Variants in PRICKLE2 observed in about 807,000 individuals in gnomAD.
PRICKLE2 encodes prickle planar cell polarity protein 2, also known as prickle-like protein 2.
In PRICKLE2, 21 loss-of-function variants were observed where a neutral mutation model predicts 81.4. The ratio of observed to expected loss-of-function variants is 0.26; its 90% CI spans 0.18 to 0.37. The LOEUF (loss-of-function observed/expected upper bound fraction) is 0.37, where lower values mean the gene tolerates loss of function less well. PRICKLE2 is among the 10% of genes least tolerant of loss of function. The pLI, the probability that PRICKLE2 is intolerant of heterozygous loss-of-function variation, is 1.00. For synonymous variants in PRICKLE2, 456 were observed against 421.5 expected, an observed-to-expected ratio of 1.08 and a Z score of -1.00; for missense variants, 940 against 1,109.0, an observed-to-expected ratio of 0.85 and a Z score of 2.16.
chr3:64,175,227 T>C (rs17070058), intron 2 of PRICKLE2: 1,883 of 156,226 alleles, frequency 0.012, 40 homozygotes, highest in African/African-American at 0.042. Context: ...ATTTCAAAGA[T>C]GATTATTTTT....
rs775899030 is a variant in PRICKLE2 at position 64,099,229 on chromosome 3, T to C, written c.2357A>G (p.Asn786Ser). 3 of 1,614,160 alleles carry C rather than the reference T, an allele frequency of 1.9e-6. No individual in the cohort carries two copies. Among genetic ancestry groups the C allele is most frequent in the Admixed American group, 1.7e-5 (1 of 60,028 alleles). ...GGGTTCTCCTAGGAAATAGCCCTCG[T>C]TGTCAGACTCTGAAGAGGAGGAGCA... Reference protein sequence around the residue: ...STCSSSSESDNEGYFLGEPIP... With the variant: ...STCSSSSESDSEGYFLGEPIP... The change falls in exon 8 of 8, where the codon AAC becomes AGC. Residue 786 changes from asparagine (N) to serine (S), a missense_variant. Physicochemically the swap from Asn to Ser is conservative, Grantham distance 46. This residue lies in a region of PRICKLE2 where 670 missense variants were observed against 717.2 expected (regional missense o/e 0.93). Coordinates refer to ENST00000638394, the MANE Select transcript of PRICKLE2 (RefSeq NM_198859.4). The surrounding 1 kb of genome is among the most constrained non-coding windows in gnomAD (Gnocchi z 4.3).
rs1475250936 is a variant in PRICKLE2, at chr3:64,096,961, C to T, written c.*2090G>A. The T allele has an allele frequency of 6.6e-6, 1 of 152,586 alleles. No homozygotes were observed. Among genetic ancestry groups the T allele is most frequent in the African/African-American group, 2.4e-5 (1 of 41,436 alleles). The allele number at this position is 152,586 out of a possible 1,614,324, so 9.5% of individuals were successfully genotyped here. A position where few individuals can be genotyped will look rare whatever the true frequency, so the allele number is the denominator to read the frequency against. On this transcript the variant is annotated 3_prime_UTR_variant, in exon 8 of 8. Coordinates refer to ENST00000638394, the MANE Select transcript of PRICKLE2 (RefSeq NM_198859.4). ...GGAACTTAAAACTCCAAATTGGACT[C>T]GCACAATTTCTACCAGAAACCTGCC...
At chr3:64,259,155 T>G (rs2107187982) in intron 2 of PRICKLE2, among the ~76,000 whole-genome samples, 1 of 152,318 alleles carries the variant, frequency 6.6e-6, no homozygotes, top group South Asian at 2.1e-4. Context: ...TTGACAATTC[T>G]TGGGCCAGAG....
intron 1 of PRICKLE2, 42 bp from the exon 2 acceptor site, chr3:64,199,009 C>T (rs112046271): frequency 0.016 from 20,430 of 1,262,854 alleles, 94 homozygotes; most frequent in Non-Finnish European, 0.02. Context: ...AGGAAAAAAC[C>T]TTTTTTTTTT....
intron 2 of PRICKLE2, among the ~76,000 whole-genome samples, chr3:64,255,450 A>C (rs533872361): frequency 2.0e-5 from 3 of 152,260 alleles, no homozygotes; most frequent in East Asian, 3.9e-4. Context: ...CTTTGGAGGG[A>C]GCAAGGGTTT....
At chr3:64,204,016 AAACAACAAC>A in intron 1 of PRICKLE2, among the ~76,000 whole-genome samples, 1 of 152,004 alleles carries the variant, frequency 6.6e-6, no homozygotes, top group South Asian at 2.1e-4. Context: ...AACAAAAACA[AAACAACAAC>A]AACAACAACA....
At chr3:64,119,949 G>C (rs536620255) in intron 7 of PRICKLE2, among the ~76,000 whole-genome samples, 1 of 152,272 alleles carries the variant, frequency 6.6e-6, no homozygotes, top group South Asian at 2.1e-4. Flanking sequence ...AGTGAATTAA[G>C]GTGGGAACAA....
intron 7 of PRICKLE2, chr3:64,102,318 A>G (rs2076679519): frequency 6.6e-6 from 1 of 152,366 alleles, no homozygotes; most frequent in East Asian, 1.9e-4. Flanking sequence ...TCAGTAAGGG[A>G]AGCTTCATCT....
intron 2 of PRICKLE2, among the ~76,000 whole-genome samples, chr3:64,190,516 C>A (rs578093723): frequency 6.6e-6 from 1 of 152,156 alleles, no homozygotes; most frequent in South Asian, 2.1e-4. Context: ...ACTGTTTTGT[C>A]CCCAGCGCCC....
intron 2 of PRICKLE2, among the ~76,000 whole-genome samples, chr3:64,247,957 T>C (rs1006285163): frequency 5.3e-5 from 8 of 152,194 alleles, no homozygotes; most frequent in East Asian, 1.9e-4. Flanking sequence ...ATTTATTCTT[T>C]AGAAGGGTCA....
chr3:64,172,631 T>C (rs2077952845), intron 2 of PRICKLE2, among the ~76,000 whole-genome samples: 3 of 152,252 alleles, frequency 2.0e-5, no homozygotes, highest in Admixed American at 2.0e-4. Context: ...CTGAAGGCTC[T>C]ATATTTCTTG....
At chr3:64,160,186 A>G in intron 3 of PRICKLE2, 109 bp from the exon 4 acceptor site, 1 of 1,211,858 alleles carries the variant, frequency 8.3e-7, no homozygotes, top group Non-Finnish European at 1.2e-6. Flanking sequence ...TTGGTTTTAT[A>G]GCCCTCGCCT....
intron 2 of PRICKLE2, among the ~76,000 whole-genome samples, chr3:64,181,034 T>G (rs1359200508): frequency 6.6e-6 from 1 of 152,208 alleles, no homozygotes; most frequent in Non-Finnish European, 1.5e-5. Context: ...AATCAGAATC[T>G]ATAACAAATG....
intron 1 of PRICKLE2, among the ~76,000 whole-genome samples, chr3:64,224,065 G>A (rs1315261883): frequency 1.3e-5 from 2 of 152,146 alleles, no homozygotes; most frequent in Non-Finnish European, 2.9e-5. Flanking sequence ...TCTCTCACTG[G>A]GGAAATAATC....
At chr3:64,194,846 A>G (rs1048031522) in intron 2 of PRICKLE2, among the ~76,000 whole-genome samples, 5 of 152,192 alleles carry the variant, frequency 3.3e-5, no homozygotes, top group Non-Finnish European at 7.4e-5. Context: ...GTTCAAGACC[A>G]GCCTGGGCAA....
intron 1 of PRICKLE2, among the ~76,000 whole-genome samples, chr3:64,222,210 G>T (rs1435565410): frequency 6.6e-6 from 1 of 152,124 alleles, no homozygotes; most frequent in Non-Finnish European, 1.5e-5. Context: ...AGAGAGGTCA[G>T]GCAACTCTCC....
At chr3:64,264,273 C>T (rs2079663059) in intron 2 of PRICKLE2, among the ~76,000 whole-genome samples, 1 of 152,232 alleles carries the variant, frequency 6.6e-6, no homozygotes, top group African/African-American at 2.4e-5. Context: ...ATGGCACCAA[C>T]CCTCATAGGG....
chr3:64,203,813 CA>C (rs68190740), intron 1 of PRICKLE2, among the ~76,000 whole-genome samples: 55 of 140,236 alleles, frequency 3.9e-4, no homozygotes, highest in Non-Finnish European at 3.3e-4. Flanking sequence ...ACTAAAAATA[CA>C]AAAAAAAAAA....
intron 2 of PRICKLE2, among the ~76,000 whole-genome samples, chr3:64,242,084 A>T (rs1365587574): frequency 6.6e-6 from 1 of 152,052 alleles, no homozygotes; most frequent in African/African-American, 2.4e-5. Flanking sequence ...CCTTCTAATT[A>T]TCTTTTCTCT....
Sources: gnomAD v4.1 joint callset for allele counts (sites outside exome capture counted in the v4.1 genomes callset) on GRCh38, gnomAD v4.1.1 for gene constraint, gnomAD v4.1.1 regional missense constraint, Gnocchi (gnomAD v3.1) non-coding constraint, MANE v1.5 for transcripts, NCBI Gene and HGNC (gene_info 2026-07-23, HGNC 2026-07-21) for gene names.